Variants in CACUL1 observed in about 807,000 individuals in gnomAD.
CACUL1 encodes CDK2-associated and cullin domain-containing protein 1.
A neutral mutation model predicts 45.2 loss-of-function variants in CACUL1; 13 were observed. The ratio of observed to expected loss-of-function variants is 0.29; its 90% CI spans 0.19 to 0.46. The LOEUF (loss-of-function observed/expected upper bound fraction) is 0.46. CACUL1 is among the 20% of genes least tolerant of loss of function. The pLI is 1.00. For synonymous variants in CACUL1, 197 were observed against 174.2 expected (o/e 1.13, Z -1.03); for missense variants, 421 against 471.4 (o/e 0.89, Z 0.99).
In CACUL1 at chr10:118,754,678, C is replaced by T; in HGVS notation, c.85G>A (p.Val29Met). 1.2e-6 allele frequency: 2 copies of T among 1,608,968 alleles called. No homozygotes were observed. The highest frequency in any genetic ancestry group is 1.7e-6 in the Non-Finnish European group (2 of 1,178,066). ...GGCAGGGGCTGCCGGAAGCCGTCCACCGCAGCCTCCCAGTTGTTGTGGTTC... is the reference window on the plus strand; with the variant it reads ...GGCAGGGGCTGCCGGAAGCCGTCCATCGCAGCCTCCCAGTTGTTGTGGTTC... The part of the protein sequence containing the change: ...DQNHNNWEAA[V>M]DGFRQPLPPP... The change falls in exon 1 of 9, where the codon GTG (valine) becomes ATG (methionine). Residue 29 changes from valine to methionine, a missense_variant. Physicochemically the swap from Val to Met is conservative, Grantham distance 21. Coordinates refer to ENST00000369151, the MANE Select transcript of CACUL1 (RefSeq NM_153810.5).
chr10:118,741,483 C>CA (rs369380703), intron 1 of CACUL1, among the ~76,000 whole-genome samples: 6,105 of 151,640 alleles, frequency 0.04, 374 homozygotes, highest in African/African-American at 0.14. Context: ...CACACACACA[C>CA]CCCCTCACTT....
At chr10:118,704,874 C>A (rs1007324293) in intron 4 of CACUL1, among the ~76,000 whole-genome samples, 2 of 152,194 alleles carry the variant, frequency 1.3e-5, no homozygotes, top group Non-Finnish European at 2.9e-5. Context: ...TCTTCTTGGG[C>A]GCAGTATAAG....
intron 4 of CACUL1, among the ~76,000 whole-genome samples, chr10:118,706,920 A>C (rs1845437566): frequency 2.0e-5 from 3 of 152,200 alleles, no homozygotes; most frequent in Admixed American, 2.0e-4. Context: ...CTCATTCACT[A>C]GTCTAATAAA....
intron 3 of CACUL1, among the ~76,000 whole-genome samples, chr10:118,710,054 A>G (rs1845469729): frequency 6.6e-6 from 1 of 150,742 alleles, no homozygotes; most frequent in African/African-American, 2.4e-5. Context: ...CTGGGACTAC[A>G]GGTATGCAGC....
At chr10:118,687,845 G>GTTGT (rs952157318) in intron 7 of CACUL1, among the ~76,000 whole-genome samples, 2 of 151,886 alleles carry the variant, frequency 1.3e-5, no homozygotes, top group East Asian at 1.9e-4. Flanking sequence ...TTACATGTTT[G>GTTGT]TTGTTTGTTA....
In CACUL1 at chr10:118,685,486, T is replaced by C. The variant is rs556877728; in HGVS notation, c.*642A>G. 2.6e-5 allele frequency: 4 copies of C among 152,696 alleles called. No individual in the cohort carries two copies. The highest frequency in any genetic ancestry group is 6.5e-5 in the Admixed American group (1 of 15,292). 9.5% of individuals were successfully genotyped at this position (152,696 alleles called of 1,614,324 possible). A position where few individuals can be genotyped will look rare whatever the true frequency, so the allele number is the denominator to read the frequency against. On this transcript the variant is annotated 3_prime_UTR_variant, in exon 9 of 9. Coordinates refer to ENST00000369151, the MANE Select transcript of CACUL1 (RefSeq NM_153810.5). ...TACCATACACTTCTCCAGGAGGAGTTTGACAACATGGTCACACAGTTGCAA... is the reference window on the plus strand; with the variant it reads ...TACCATACACTTCTCCAGGAGGAGTCTGACAACATGGTCACACAGTTGCAA...
intron 1 of CACUL1, among the ~76,000 whole-genome samples, chr10:118,735,838 A>G (rs1845735102): frequency 2.0e-5 from 3 of 152,140 alleles, no homozygotes; most frequent in Non-Finnish European, 4.4e-5. Flanking sequence ...AAAATAAATA[A>G]TTAAGCCAAA....
At position 118,716,605 on chromosome 10, in the gene CACUL1, C is replaced by CTTTT. The variant is rs61613528; in HGVS notation, c.598-9022_598-9019dup. On this transcript the variant is annotated intron_variant, in intron 3 of 8. Coordinates refer to ENST00000369151, the MANE Select transcript of CACUL1 (RefSeq NM_153810.5). ...AGTGGCATCAGCAACAACACAACCT[C>CTTTT]TTTTTTTTTTTTTTTGAGACAGAGT... Among the ~76,000 whole-genome samples, 27 of 139,842 alleles carry CTTTT rather than the reference C, an allele frequency of 1.9e-4. 2 individuals carry two copies. Among genetic ancestry groups the CTTTT allele is most frequent in the South Asian group, 4.5e-4 (2 of 4,402 alleles). The allele number at this position is 139,842 out of a possible 152,430, so 91.7% of individuals were successfully genotyped here. A position where few individuals can be genotyped will look rare whatever the true frequency, so the allele number is the denominator to read the frequency against.
At chr10:118,710,132 C>G (rs1845470797) in intron 3 of CACUL1, among the ~76,000 whole-genome samples, 1 of 150,996 alleles carries the variant, frequency 6.6e-6, no homozygotes, top group Non-Finnish European at 1.5e-5. Flanking sequence ...TGCTATATTG[C>G]CCAGACTGGT....
intron 1 of CACUL1, among the ~76,000 whole-genome samples, chr10:118,745,109 A>G (rs936594440): frequency 7.9e-5 from 12 of 152,244 alleles, no homozygotes; most frequent in African/African-American, 2.4e-4. Context: ...AGATTTTTAC[A>G]TTATAAGTAA....
intron 1 of CACUL1, among the ~76,000 whole-genome samples, chr10:118,754,021 G>A (rs960722134): frequency 6.6e-6 from 1 of 152,188 alleles, no homozygotes; most frequent in Non-Finnish European, 1.5e-5. Flanking sequence ...ACGAGACTCA[G>A]GCAGCCTTAT....
intron 1 of CACUL1, among the ~76,000 whole-genome samples, chr10:118,734,172 T>C (rs1055752158): frequency 4.6e-5 from 7 of 152,228 alleles, no homozygotes; most frequent in Admixed American, 4.6e-4. Context: ...TTTCAACTTT[T>C]TATTTCTTGA....
intron 7 of CACUL1, among the ~76,000 whole-genome samples, chr10:118,688,094 G>C (rs1845226262): frequency 6.6e-6 from 1 of 152,194 alleles, no homozygotes; most frequent in Non-Finnish European, 1.5e-5. Flanking sequence ...TTGAGGACCA[G>C]GGCAGAAACC....
rs1434055947 is a variant in CACUL1, at chr10:118,684,846, A to AATT, written c.*1279_*1281dup. 10 of 152,220 alleles carry AATT rather than the reference A, an allele frequency of 6.6e-5. No individual in the cohort carries two copies. Among genetic ancestry groups the AATT allele is most frequent in the Admixed American group, 4.6e-4 (7 of 15,290 alleles). The allele number at this position is 152,220 out of a possible 1,614,324, so 9.4% of individuals were successfully genotyped here. ...TTGCCTAGTAGAGAAGCCTATGCTCAATTAAGATTCAAGCAAAATTGAGAA... is the reference window on the plus strand; with the variant it reads ...TTGCCTAGTAGAGAAGCCTATGCTCAATTATTAAGATTCAAGCAAAATTGAGAA... On this transcript the variant is annotated 3_prime_UTR_variant, in exon 9 of 9. Transcript: ENST00000369151.
At position 118,684,562 on chromosome 10, in the gene CACUL1, A is replaced by G. The variant is rs981695817; in HGVS notation, c.*1566T>C. On this transcript the variant is annotated 3_prime_UTR_variant, in exon 9 of 9. Transcript: ENST00000369151. Reference sequence around the variant, plus strand: ...TCCACGAACTCTGGTTAAGTACTTTAAAAAATAAATCTGACAACCTTTATC... The same window carrying G: ...TCCACGAACTCTGGTTAAGTACTTTGAAAAATAAATCTGACAACCTTTATC... The G allele has an allele frequency of 6.6e-6, 1 of 152,240 alleles. No individual in the cohort carries two copies. The highest frequency in any genetic ancestry group is 2.4e-5 in the African/African-American group (1 of 41,462). The allele number at this position is 152,240 out of a possible 1,614,324, so 9.4% of individuals were successfully genotyped here.
At chr10:118,702,974 T>A (rs957584695) in intron 4 of CACUL1, among the ~76,000 whole-genome samples, 2 of 152,200 alleles carry the variant, frequency 1.3e-5, no homozygotes, top group Non-Finnish European at 2.9e-5. Context: ...TTAATTTAAT[T>A]TAAAAAATTT....
chr10:118,714,063 T>C (rs1845518697), intron 3 of CACUL1, among the ~76,000 whole-genome samples: 1 of 152,184 alleles, frequency 6.6e-6, no homozygotes, highest in Non-Finnish European at 1.5e-5. Context: ...CAAAACAAAA[T>C]TTAGTAAGAG....
intron 6 of CACUL1, among the ~76,000 whole-genome samples, chr10:118,694,665 A>G (rs929194014): frequency 1.3e-5 from 2 of 152,222 alleles, no homozygotes; most frequent in South Asian, 2.1e-4. Flanking sequence ...GCTTTTGACT[A>G]TAGTGATCTT....
In CACUL1 at chr10:118,685,090, ATTATCTCATTCATT is replaced by A. The variant is rs1387470615; in HGVS notation, c.*1024_*1037del. On this transcript the variant is annotated 3_prime_UTR_variant, in exon 9 of 9. Coordinates refer to ENST00000369151, the MANE Select transcript of CACUL1 (RefSeq NM_153810.5). ...TCAAATGACAGACTTTTTTTAAGTA[ATTATCTCATTCATT>A]TAAAATGAAGTGATCAGGAACCCCA... 6.6e-6 allele frequency: 1 copy of A among 152,170 alleles called. No individual in the cohort carries two copies. Among genetic ancestry groups the A allele is most frequent in the Non-Finnish European group, 1.5e-5 (1 of 68,026 alleles). 9.4% of individuals were successfully genotyped at this position (152,170 alleles called of 1,614,324 possible).
Sources: allele counts gnomAD v4.1 joint callset (sites outside exome capture counted in the v4.1 genomes callset), GRCh38; gene constraint gnomAD v4.1.1; transcripts MANE v1.5; gene names NCBI Gene and HGNC (gene_info 2026-07-23, HGNC 2026-07-21).